Variants in SUMF1 observed in about 807,000 individuals in gnomAD.
SUMF1 encodes formylglycine-generating enzyme.
Under a neutral mutation model 47.6 loss-of-function variants are expected in SUMF1, and 48 were observed. The ratio of observed to expected loss-of-function variants is 1.01; its 90% CI spans 0.80 to 1.28. The LOEUF (loss-of-function observed/expected upper bound fraction) is 1.28, where lower values mean the gene tolerates loss of function less well. Among genes scored for constraint, SUMF1 ranks in the 50% most tolerant of loss-of-function variants. SUMF1 has a pLI of 0.00. For missense variants in SUMF1, 571 were observed against 485.4 expected, an observed-to-expected ratio of 1.18 and a Z score of -1.66; for synonymous variants, 230 against 192.1, an observed-to-expected ratio of 1.20 and a Z score of -1.63.
chr3:4,464,835 A>C (rs1006890247), intron 1 of SUMF1, among the ~76,000 whole-genome samples: 3 of 152,252 alleles, frequency 2.0e-5, no homozygotes, highest in Non-Finnish European at 4.4e-5. Context: ...GCTTGAAGGT[A>C]TATTCTCATC....
chr3:4,132,079 T>C (rs867598859), intron 8 of SUMF1, among the ~76,000 whole-genome samples: 4 of 152,140 alleles, frequency 2.6e-5, no homozygotes, highest in African/African-American at 4.8e-5. Context: ...GTTGGTTATA[T>C]TGGACCTCTT....
chr3:4,283,183 A>G (rs1419624439), intron 8 of SUMF1, among the ~76,000 whole-genome samples: 1 of 152,178 alleles, frequency 6.6e-6, no homozygotes, highest in Non-Finnish European at 1.5e-5. Context: ...TTTCGTTCCA[A>G]TCTCTTGAAG....
intron 8 of SUMF1, among the ~76,000 whole-genome samples, chr3:4,157,705 A>G (rs80261705): frequency 0.036 from 5,376 of 151,368 alleles, 531 homozygotes; most frequent in African/African-American, 0.12. Flanking sequence ...TTCTTTATTT[A>G]TTCCTTTTTC....
intron 8 of SUMF1, chr3:4,313,052 A>G (rs1191932183): frequency 1.2e-6 from 2 of 1,613,782 alleles, no homozygotes; most frequent in Admixed American, 1.7e-5. Flanking sequence ...TGCCTTAGAG[A>G]TATAGGATCT....
At chr3:4,384,133 C>G (rs542337186) in intron 7 of SUMF1, among the ~76,000 whole-genome samples, 1 of 152,302 alleles carries the variant, frequency 6.6e-6, no homozygotes, top group South Asian at 2.1e-4. Context: ...TCTGAGGTAT[C>G]AGCTAGTTCC....
At chr3:4,191,848 A>G (rs1695322458) in intron 8 of SUMF1, among the ~76,000 whole-genome samples, 1 of 152,148 alleles carries the variant, frequency 6.6e-6, no homozygotes, top group African/African-American at 2.4e-5. Flanking sequence ...ACAAGGTGAA[A>G]AAGAATTACA....
chr3:4,210,429 C>A (rs1695754569), intron 8 of SUMF1, among the ~76,000 whole-genome samples: 1 of 152,100 alleles, frequency 6.6e-6, no homozygotes, highest in Admixed American at 6.6e-5. Context: ...GTGGTATATA[C>A]ACCAATGGAA....
At chr3:4,250,079 G>C (rs1463084412) in intron 8 of SUMF1, among the ~76,000 whole-genome samples, 1 of 151,878 alleles carries the variant, frequency 6.6e-6, no homozygotes, top group Non-Finnish European at 1.5e-5. Flanking sequence ...AACTACTCAG[G>C]ACATGAGGCA....
intron 9 of SUMF1, among the ~76,000 whole-genome samples, chr3:4,050,105 C>G (rs1695079806): frequency 6.6e-6 from 1 of 151,856 alleles, no homozygotes; most frequent in Admixed American, 6.6e-5. Flanking sequence ...TACATGGGTA[C>G]AGGATAGGGG....
intron 8 of SUMF1, among the ~76,000 whole-genome samples, chr3:4,346,744 G>A (rs908341122): frequency 6.6e-6 from 1 of 152,026 alleles, no homozygotes. Flanking sequence ...AAATCCATGA[G>A]CTGGTTTTTT....
chr3:4,059,535 C>G (rs961255169), intron 9 of SUMF1, among the ~76,000 whole-genome samples: 4 of 152,148 alleles, frequency 2.6e-5, no homozygotes, highest in Admixed American at 6.6e-5. Flanking sequence ...TCTACAGCTG[C>G]TCAACAAAAC....
At chr3:4,224,065 T>C (rs1696124073) in intron 8 of SUMF1, among the ~76,000 whole-genome samples, 1 of 149,772 alleles carries the variant, frequency 6.7e-6, no homozygotes. Context: ...GGGCCGGGGG[T>C]GGAGTGTGAT....
At chr3:4,353,245 A>C (rs1309611336) in intron 8 of SUMF1, among the ~76,000 whole-genome samples, 1 of 152,162 alleles carries the variant, frequency 6.6e-6, no homozygotes, top group Non-Finnish European at 1.5e-5. Flanking sequence ...ACATTTTAAG[A>C]AAAAATTAAG....
intron 7 of SUMF1, among the ~76,000 whole-genome samples, chr3:4,381,189 G>A (rs182864063): frequency 2.8e-4 from 42 of 152,290 alleles, no homozygotes; most frequent in Admixed American, 1.8e-3. Context: ...CACCACTAGC[G>A]ACCTGGATGG....
intron 1 of SUMF1, among the ~76,000 whole-genome samples, chr3:4,456,802 GTA>G (rs1400805379): frequency 3.7e-4 from 53 of 144,972 alleles, no homozygotes; most frequent in Non-Finnish European, 6.7e-4. Context: ...ATATATACGT[GTA>G]TATATATACG....
chr3:4,095,874 G>A (rs1161472517), intron 8 of SUMF1, among the ~76,000 whole-genome samples: 1 of 152,138 alleles, frequency 6.6e-6, no homozygotes, highest in African/African-American at 2.4e-5. Flanking sequence ...ACAAGGGAAA[G>A]CAAAATACTC....
chr3:4,265,414 A>G (rs983251446), intron 8 of SUMF1, among the ~76,000 whole-genome samples: 3 of 152,152 alleles, frequency 2.0e-5, no homozygotes, highest in Admixed American at 6.5e-5. Context: ...TTTTTTGGCA[A>G]CAATGATCAT....
intron 8 of SUMF1, among the ~76,000 whole-genome samples, chr3:4,232,322 A>T (rs2124984521): frequency 6.6e-6 from 1 of 152,228 alleles, no homozygotes; most frequent in Non-Finnish European, 1.5e-5. Flanking sequence ...ATGTCACTGC[A>T]GCTGTTCCCC....
At chr3:4,341,226 GACA>G (rs1699265922) in intron 8 of SUMF1, among the ~76,000 whole-genome samples, 1 of 150,912 alleles carries the variant, frequency 6.6e-6, no homozygotes, top group Non-Finnish European at 1.5e-5. Flanking sequence ...CCATTATGAT[GACA>G]ACATTAAAAA....
Sources: gnomAD v4.1 joint callset for allele counts (sites outside exome capture counted in the v4.1 genomes callset) on GRCh38, gnomAD v4.1.1 for gene constraint, MANE v1.5 for transcripts, NCBI Gene and HGNC (gene_info 2026-07-23, HGNC 2026-07-21) for gene names.